Variants in LPIN3 observed in about 807,000 individuals in gnomAD.
LPIN3 encodes phosphatidate phosphatase LPIN3.
Under a neutral mutation model 94.7 loss-of-function variants are expected in LPIN3, and 82 were observed. The observed-to-expected ratio is 0.87, with a 90% confidence interval of 0.72 to 1.04. LPIN3 has a LOEUF of 1.04. Among genes scored for constraint, LPIN3 ranks in the 50% least tolerant of loss-of-function variants. The pLI, the probability that LPIN3 is intolerant of heterozygous loss-of-function variation, is 0.00. For missense variants in LPIN3, 996 were observed against 1,090.5 expected, an observed-to-expected ratio of 0.91 and a Z score of 1.22; for synonymous variants, 418 against 443.3, an observed-to-expected ratio of 0.94 and a Z score of 0.72.
At chr20:41,357,796 T>G (rs1400096218) in intron 16 of LPIN3, 86 bp from the exon 17 acceptor site, 2 of 1,552,280 alleles carry the variant, frequency 1.3e-6, no homozygotes, top group Non-Finnish European at 1.8e-6. Context: ...AGTCCCACAG[T>G]TGGGCTGGGC....
In LPIN3 at chr20:41,354,852, G is replaced by C; in HGVS notation, c.1653G>C (p.Lys551Asn). The change falls in exon 13 of 20, where the codon AAG becomes AAC. Residue 551 changes from lysine to asparagine, a missense_variant. By Grantham distance (94) the Lys-to-Asn change is moderately conservative. Transcript: ENST00000373257. ...RSAQKEKTAA[K>N]EQQGEKTEVL... ...CCCAGAAGGAGAAGACTGCAGCCAA[G>C]GAGCAGCAGGGGTGAGTGAGACCCC... 2 of 1,569,058 alleles carry C rather than the reference G, an allele frequency of 1.3e-6. No homozygotes were observed. The highest frequency in any genetic ancestry group is 1.7e-6 in the Non-Finnish European group (2 of 1,156,664).
Position 41,352,634 on chromosome 20 carries a change from C to T in LPIN3, c.1392C>T (p.Tyr464=), listed in dbSNP as rs1304275273. The T allele has an allele frequency of 1.9e-6, 3 of 1,613,822 alleles. No homozygotes were observed. Among genetic ancestry groups the T allele is most frequent in the Non-Finnish European group, 2.5e-6 (3 of 1,179,688 alleles). The change falls in exon 10 of 20, where the codon TAC becomes TAT. Residue 464 remains tyrosine (Y), a synonymous_variant. Transcript: ENST00000373257. ...AATTCAACCAGCACAGCGTCTCTTACCAGGACCTCACCAAAAACCCCGGAC... is the reference window on the plus strand; with the variant it reads ...AATTCAACCAGCACAGCGTCTCTTATCAGGACCTCACCAAAAACCCCGGAC... ...LEKFNQHSVS[Y]QDLTKNPGLL... is the part of the protein sequence containing the mutation.
chr20:41,349,938 T>C (rs1273906612), intron 6 of LPIN3, 44 bp downstream of exon 6: 2 of 1,585,026 alleles, frequency 1.3e-6, no homozygotes, highest in East Asian at 2.2e-5. Context: ...TTTCAGGGGC[T>C]CTGTGGCCCC....
rs774053543 is a variant in LPIN3 at position 41,357,360 on chromosome 20, GGTC to G, written c.1953_1955del (p.Ser652del). On this transcript the variant is annotated inframe_deletion and splice_region_variant, in exon 16 of 20. Transcript: ENST00000373257. The stretch of plus-strand genomic sequence containing the variant: ...GAGTAACCCTTCCTCTCTCACTCTA[GGTC>G]AGATGCTCTGGGCCATATCCTGCCC... 13 of 1,613,926 alleles carry G rather than the reference GGTC, an allele frequency of 8.1e-6. No individual in the cohort carries two copies. The South Asian group carries it at 1.4e-4, about 18-fold the overall frequency.
At chr20:41,347,454 TG>T in intron 2 of LPIN3, 97 bp from the exon 3 acceptor site, 2 of 1,120,038 alleles carry the variant, frequency 1.8e-6, no homozygotes, top group Non-Finnish European at 1.3e-6. Context: ...GTATGGTGTT[TG>T]GGGCGGCAAG....
chr20:41,345,967 T>C lies in LPIN3; in HGVS notation c.164T>C (p.Leu55Pro). 6.2e-7 allele frequency: 1 copy of C among 1,614,028 alleles called. No individual in the cohort carries two copies. The highest frequency in any genetic ancestry group is 1.1e-5 in the South Asian group (1 of 91,054). ...CSPFHVRFGK[L>P]GVLRSREKVV... Reference sequence around the variant, plus strand: ...CCCTTCCACGTGCGTTTTGGCAAGCTGGGCGTCCTGCGGTCGCGGGAGAAG... The same window carrying C: ...CCCTTCCACGTGCGTTTTGGCAAGCCGGGCGTCCTGCGGTCGCGGGAGAAG... The change falls in exon 2 of 20, where the codon CTG (leucine) becomes CCG (proline). Residue 55 changes from leucine to proline, a missense_variant. By Grantham distance (98) the Leu-to-Pro change is moderately conservative (BLOSUM62 -3). Coordinates refer to ENST00000373257, the MANE Select transcript of LPIN3 (RefSeq NM_022896.3).
chr20:41,358,744 G>T lies in LPIN3; in HGVS notation c.2434G>T (p.Val812Phe). ...TAGGTATGAGCGGCTTGGTGAAGTGGTCGAGCTCCTCTTCCCACCTGTGGC... is the reference window on the plus strand; with the variant it reads ...TAGGTATGAGCGGCTTGGTGAAGTGTTCGAGCTCCTCTTCCCACCTGTGGC... ...KSTYERLGEV[V>F]ELLFPPVARG... The change falls in exon 20 of 20, where the codon GTC becomes TTC. Residue 812 changes from valine (V) to phenylalanine (F), a missense_variant. By Grantham distance (50) the Val-to-Phe change is conservative (BLOSUM62 -1). Coordinates refer to ENST00000373257, the MANE Select transcript of LPIN3 (RefSeq NM_022896.3). 1 of 1,614,016 alleles carries T rather than the reference G, an allele frequency of 6.2e-7. No individual in the cohort carries two copies. The highest frequency in any genetic ancestry group is 8.5e-7 in the Non-Finnish European group (1 of 1,179,986).
chr20:41,346,655 C>T (rs542366930), intron 2 of LPIN3, among the ~76,000 whole-genome samples: 3 of 152,266 alleles, frequency 2.0e-5, no homozygotes, highest in East Asian at 1.9e-4. Context: ...GCAGGAGAAT[C>T]GCTTGAATCC....
chr20:41,357,330 C>T (rs1481261261), intron 15 of LPIN3, 31 bp from the exon 16 acceptor site: 1 of 1,610,578 alleles, frequency 6.2e-7, no homozygotes, highest in Non-Finnish European at 8.5e-7. Context: ...CGTGGAGCTG[C>T]CTTGGAGTAA....
intron 8 of LPIN3, 56 bp from the exon 9 acceptor site, chr20:41,352,004 G>C: frequency 6.2e-7 from 1 of 1,613,372 alleles, no homozygotes; most frequent in Non-Finnish European, 8.5e-7. Flanking sequence ...TGAGGAGGGA[G>C]GACCCATCTC....
Position 41,355,942 on chromosome 20 carries a change from C to T in LPIN3, c.1711C>T (p.Pro571Ser), listed in dbSNP as rs780104100. Residue 571 changes from proline to serine, a missense_variant, in exon 14 of 20, where the codon CCT becomes TCT. Coordinates refer to ENST00000373257, the MANE Select transcript of LPIN3 (RefSeq NM_022896.3). Reference protein sequence around the residue: ...LSSDDDAPDSPVILEIPSLPP... With the variant: ...LSSDDDAPDSSVILEIPSLPP... ...CAGTGATGACGATGCCCCAGACAGC[C>T]CTGTGATCCTGGAGATCCCCTCCTT... 5.0e-6 allele frequency: 8 copies of T among 1,614,020 alleles called. No homozygotes were observed. In the Admixed American group the frequency reaches 8.3e-5, roughly 17 times the overall value.
intron 2 of LPIN3, 93 bp downstream of exon 2, chr20:41,346,088 C>T (rs1371204180): frequency 7.7e-7 from 1 of 1,304,676 alleles, no homozygotes; most frequent in Non-Finnish European, 1.1e-6. Context: ...CTGGGGCCTC[C>T]CTTAGGTGGG....
Position 41,358,536 on chromosome 20 carries a change from A to T in LPIN3, c.2405A>T (p.Lys802Ile), listed in dbSNP as rs758627224. 24 of 1,613,914 alleles carry T rather than the reference A, an allele frequency of 1.5e-5. No individual in the cohort carries two copies. Among genetic ancestry groups the T allele is most frequent in the Non-Finnish European group, 2.0e-5 (24 of 1,179,938 alleles). Residue 802 changes from lysine (K) to isoleucine (I), a missense_variant, in exon 19 of 20, where the codon AAA (lysine) becomes ATA (isoleucine). Physicochemically the swap from Lys to Ile is moderately radical, Grantham distance 102. Transcript: ENST00000373257. ...ATCCAGGAGCTCATAAAGAACCACAAATCCACGTGAGGCTAAACCCTGCCA... is the reference window on the plus strand; with the variant it reads ...ATCCAGGAGCTCATAAAGAACCACATATCCACGTGAGGCTAAACCCTGCCA... Reference protein sequence around the residue: ...ELIQELIKNHKSTYERLGEVV... With the variant: ...ELIQELIKNHISTYERLGEVV...
chr20:41,346,638 G>A (rs1175805641), intron 2 of LPIN3, among the ~76,000 whole-genome samples: 1 of 152,224 alleles, frequency 6.6e-6, no homozygotes, highest in East Asian at 1.9e-4. Flanking sequence ...CCACTCCGGA[G>A]GCTGAGGCAG....
chr20:41,341,372 G>A (rs1163779012), intron 1 of LPIN3, among the ~76,000 whole-genome samples: 2 of 152,212 alleles, frequency 1.3e-5, no homozygotes, highest in African/African-American at 2.4e-5. Context: ...CTGAGACTGG[G>A]CAGATCAGAT....
intron 11 of LPIN3, among the ~76,000 whole-genome samples, chr20:41,353,717 C>G (rs1252199527): frequency 6.6e-6 from 1 of 152,254 alleles, no homozygotes; most frequent in African/African-American, 2.4e-5. Context: ...CAACCTGCAC[C>G]TGCCCCTCTG....
chr20:41,359,127 T>A lies in LPIN3; in HGVS notation c.*261T>A. The A allele has an allele frequency of 4.3e-6, 1 of 234,062 alleles. No individual in the cohort carries two copies. Among genetic ancestry groups the A allele is most frequent in the Non-Finnish European group, 7.9e-6 (1 of 125,840 alleles). The allele number at this position is 234,062 out of a possible 1,614,324, so 14.5% of individuals were successfully genotyped here. ...CATCTGGGCCCTTGCAGGGTTCTTTTTTTTTTTTTTTTTTTTTTTTTCCTG... is the reference window on the plus strand; with the variant it reads ...CATCTGGGCCCTTGCAGGGTTCTTTATTTTTTTTTTTTTTTTTTTTTCCTG... On this transcript the variant is annotated 3_prime_UTR_variant, in exon 20 of 20. Transcript: ENST00000373257.
Position 41,351,918 on chromosome 20 carries a change from A to G in LPIN3, c.1200A>G (p.Gln400=). 1 of 1,613,918 alleles carries G rather than the reference A, an allele frequency of 6.2e-7. No individual in the cohort carries two copies. Among genetic ancestry groups the G allele is most frequent in the Non-Finnish European group, 8.5e-7 (1 of 1,179,874 alleles). The change falls in exon 8 of 20, where the codon CAA becomes CAG. Residue 400 remains glutamine, a splice_region_variant and synonymous_variant. Transcript: ENST00000373257. The stretch of plus-strand genomic sequence containing the variant: ...AGAATGCAGCGCTTTACTTCCCCCA[A>G]AGGTGCCTGGGTTCTGGATGCCAGG... The part of the protein sequence containing the change: ...DSENAALYFP[Q]SDSGLGARRW...
At chr20:41,343,249 C>T (rs1048159751) in intron 1 of LPIN3, among the ~76,000 whole-genome samples, 27 of 152,188 alleles carry the variant, frequency 1.8e-4, no homozygotes, top group Admixed American at 6.5e-4. Flanking sequence ...CTGGATGGAC[C>T]TTTGCCCCAA....
Sources: gnomAD v4.1 joint callset for allele counts (sites outside exome capture counted in the v4.1 genomes callset) on GRCh38, gnomAD v4.1.1 for gene constraint, MANE v1.5 for transcripts, NCBI Gene and HGNC (gene_info 2026-07-23, HGNC 2026-07-21) for gene names.